The following ABCC8 variants were observed in gnomAD, a reference collection of about 807,000 sequenced individuals.
The protein encoded by ABCC8 is ATP binding cassette subfamily C member 8.
A neutral mutation model predicts 188.0 loss-of-function variants in ABCC8; 137 were observed. The ratio of observed to expected loss-of-function variants is 0.73; its 90% CI spans 0.63 to 0.84. The LOEUF (loss-of-function observed/expected upper bound fraction) is 0.84. Ranked by LOEUF, ABCC8 falls within the 40% of genes least tolerant of loss-of-function variation. ABCC8 has a pLI of 0.00. For synonymous variants in ABCC8, 797 were observed against 846.5 expected (o/e 0.94, Z 1.01); for missense variants, 1,750 against 2,072.7 (o/e 0.84, Z 3.02).
At position 17,428,359 on chromosome 11, in the gene ABCC8, C is replaced by T. The variant is rs755707550; in HGVS notation, c.1970G>A (p.Arg657Gln). ...NRKRPAREDC[R>Q]GLTGPLQSLV... Reference sequence around the variant, plus strand: ...GCTCTGCAGTGGGCCGGTGAGGCCCCGACAATCCTCCCGGGCTGGACGCTT... The same window carrying T: ...GCTCTGCAGTGGGCCGGTGAGGCCCTGACAATCCTCCCGGGCTGGACGCTT... Residue 657 changes from arginine to glutamine, a missense_variant, in exon 14 of 39, where the codon CGG becomes CAG. Transcript: ENST00000389817. 22 of 1,614,134 alleles carry T rather than the reference C, an allele frequency of 1.4e-5. No homozygotes were observed. The highest frequency in any genetic ancestry group is 1.6e-4 in the Middle Eastern group (1 of 6,062).
intron 12 of ABCC8, chr11:17,430,043 A>G (rs1365846499): frequency 6.5e-6 from 1 of 152,692 alleles, no homozygotes; most frequent in Non-Finnish European, 1.5e-5. Context: ...CACAGAGGAC[A>G]TTTGTTACTG....
chr11:17,396,513 C>T, intron 33 of ABCC8: 1 of 306,604 alleles, frequency 3.3e-6, no homozygotes, highest in Non-Finnish European at 6.2e-6. Context: ...GAGAGCTGGG[C>T]CAGGGCCATA....
Position 17,457,848 on chromosome 11 carries a change from G to A in ABCC8, c.1011+2640C>T, listed in dbSNP as rs114415797. Among the ~76,000 whole-genome samples, 543 of 152,294 alleles carry A rather than the reference G, an allele frequency of 3.6e-3. 2 individuals are homozygous for A. The highest frequency in any genetic ancestry group is 0.012 in the African/African-American group (517 of 41,554). ...ATGATGAATAAACCACAGGTGCCTCGCTGTGCCAACTGCTGCAGGATGGAT... is the reference window on the plus strand; with the variant it reads ...ATGATGAATAAACCACAGGTGCCTCACTGTGCCAACTGCTGCAGGATGGAT... On this transcript the variant is annotated intron_variant, in intron 6 of 38. Transcript: ENST00000389817.
Position 17,412,692 on chromosome 11 carries a change from A to C in ABCC8, c.2530T>G (p.Tyr844Asp). The change falls in exon 21 of 39, where the codon TAC becomes GAC. Residue 844 changes from tyrosine (Y) to aspartate (D), a missense_variant. Transcript: ENST00000389817. ...RQRISVARAL[Y>D]QHANVVFLDD... ...AAGAAGACAACGTTGGCGTGCTGGTAGAGGGCTCGGGCCACACTGATTCGC... is the reference window on the plus strand; with the variant it reads ...AAGAAGACAACGTTGGCGTGCTGGTCGAGGGCTCGGGCCACACTGATTCGC... 6.2e-7 allele frequency: 1 copy of C among 1,612,272 alleles called. No homozygotes were observed. Among genetic ancestry groups the C allele is most frequent in the South Asian group, 1.1e-5 (1 of 90,508 alleles).
rs776610373 is a variant in ABCC8, at chr11:17,395,873, G to A, written c.4177C>T (p.Arg1393Cys). ...TCACCTTCGAACGTGTCCACCATGC[G>A]GAAGAAGGCAAGAGAGAAGGAGGAC... Reference protein sequence around the residue: ...GKSSFSLAFFRMVDTFEGHII... With the variant: ...GKSSFSLAFFCMVDTFEGHII... Residue 1393 changes from arginine to cysteine, a missense_variant, in exon 34 of 39, where the codon CGC becomes TGC. Arg to Cys is a radical substitution (Grantham distance 180). Coordinates refer to ENST00000389817, the MANE Select transcript of ABCC8 (RefSeq NM_000352.6). 8 of 1,588,138 alleles carry A rather than the reference G, an allele frequency of 5.0e-6. No homozygotes were observed. The highest frequency in any genetic ancestry group is 6.9e-6 in the Non-Finnish European group (8 of 1,166,420).
In ABCC8 at chr11:17,404,655, C is replaced by A. The variant is rs762412267; in HGVS notation, c.3414G>T (p.Thr1138=). Residue 1138 remains threonine, a synonymous_variant, in exon 28 of 39, where the codon ACG becomes ACT. Coordinates refer to ENST00000389817, the MANE Select transcript of ABCC8 (RefSeq NM_000352.6). This position sits in a 1 kb window ranked among gnomAD's most constrained non-coding sequence, Gnocchi z 4.7. ...GGGTGGAGCGGCTCAGGCACTCCAG[C>A]GTGGATGGGATGTGCTGAGGGAGAC... The part of the protein sequence containing the change: ...CNTIDQHIPS[T]LECLSRSTLL... 1.9e-6 allele frequency: 3 copies of A among 1,610,092 alleles called. No homozygotes were observed. The highest frequency in any genetic ancestry group is 1.3e-5 in the African/African-American group (1 of 74,912).
At chr11:17,405,628 A>G in intron 26 of ABCC8, 65 bp from the exon 27 acceptor site, 1 of 1,613,346 alleles carries the variant, frequency 6.2e-7, no homozygotes. Context: ...TTACTGAATG[A>G]GATAGTTAAT....
chr11:17,432,159 C>T (rs1439984161), intron 11 of ABCC8, 45 bp downstream of exon 11: 2 of 1,551,270 alleles, frequency 1.3e-6, no homozygotes, highest in African/African-American at 1.4e-5. Context: ...CAGACGCCCT[C>T]CCCCTCCACC....
intron 10 of ABCC8, chr11:17,435,640 T>C (rs1288304610): frequency 1.0e-5 from 14 of 1,399,716 alleles, no homozygotes; most frequent in African/African-American, 1.4e-5. Context: ...TGTAATAATG[T>C]GTAGGAAGAT....
intron 2 of ABCC8, 81 bp downstream of exon 2, chr11:17,474,805 G>A: frequency 1.4e-6 from 2 of 1,447,208 alleles, no homozygotes; most frequent in Non-Finnish European, 1.9e-6. Context: ...GTGGAATATA[G>A]GTGAGCTAGG....
chr11:17,408,587 T>C, intron 22 of ABCC8, 70 bp from the exon 23 acceptor site: 1 of 1,566,806 alleles, frequency 6.4e-7, no homozygotes, highest in East Asian at 2.2e-5. Flanking sequence ...CCCTCAATTG[T>C]GGAGTCTAAG....
rs373158919 is a variant in ABCC8 at position 17,430,985 on chromosome 11, C to G, written c.1672-26G>C. On this transcript the variant is annotated intron_variant, in intron 11 of 38. Transcript: ENST00000389817. ...CTGTGGACAGAGGCACAAGTGAGGC[C>G]AGGGTGGCCCAGGGTGTGGGTCCCT... 1.3e-4 allele frequency: 212 copies of G among 1,610,514 alleles called. No homozygotes were observed. The highest frequency in any genetic ancestry group is 1.7e-4 in the Non-Finnish European group (199 of 1,178,330).
intron 29 of ABCC8, among the ~76,000 whole-genome samples, chr11:17,401,273 G>T (rs1470771611): frequency 6.6e-6 from 1 of 152,222 alleles, no homozygotes; most frequent in Non-Finnish European, 1.5e-5. Flanking sequence ...AGGAGGCTGG[G>T]AGGAGACTCT....
chr11:17,407,590 G>C (rs1954605118), intron 23 of ABCC8, 137 bp from the exon 24 acceptor site: 3 of 1,457,488 alleles, frequency 2.1e-6, no homozygotes, highest in African/African-American at 2.8e-5. Flanking sequence ...GGGGCAGACA[G>C]ACACACATTC....
Position 17,395,856 on chromosome 11 carries a change from G to C in ABCC8, c.4194C>G (p.Phe1398Leu). The C allele has an allele frequency of 6.3e-7, 1 of 1,580,256 alleles. No individual in the cohort carries two copies. The change falls in exon 34 of 39, where the codon TTC (phenylalanine) becomes TTG (leucine). Residue 1398 changes from phenylalanine to leucine, a missense_variant. Transcript: ENST00000389817. ...SLAFFRMVDTFEGHIIIDGID... is the reference protein window; with the variant it reads ...SLAFFRMVDTLEGHIIIDGID... Reference sequence around the variant, plus strand: ...GGTGCCCGCCTTACAACTCACCTTCGAACGTGTCCACCATGCGGAAGAAGG... The same window carrying C: ...GGTGCCCGCCTTACAACTCACCTTCCAACGTGTCCACCATGCGGAAGAAGG...
At chr11:17,398,635 C>G in intron 29 of ABCC8, 194 bp from the exon 30 acceptor site, 1 of 564,950 alleles carries the variant, frequency 1.8e-6, no homozygotes, top group Non-Finnish European at 2.2e-6. Context: ...GTCCAGAATC[C>G]CCACCTCCTC....
intron 32 of ABCC8, 56 bp downstream of exon 32, chr11:17,397,137 A>G (rs1953975091): frequency 6.2e-7 from 1 of 1,613,234 alleles, no homozygotes; most frequent in Non-Finnish European, 8.5e-7. Context: ...TGTGGCCCCC[A>G]ACCCAGACAC....
At chr11:17,463,698 G>A (rs1294074131) in intron 3 of ABCC8, 94 bp from the exon 4 acceptor site, 2 of 1,492,348 alleles carry the variant, frequency 1.3e-6, no homozygotes, top group African/African-American at 1.4e-5. Context: ...GAAGGAGACA[G>A]AATAAGCGTG....
In ABCC8 at chr11:17,476,790, C is replaced by CGGGCT; in HGVS notation, c.-19_-15dup. Reference sequence around the variant, plus strand: ...GGCCAGGGGCATGGCGGCGCGGGCGCGGGCTGGGCTCGGGCTCAGCTGGCT... The same window carrying CGGGCT: ...GGCCAGGGGCATGGCGGCGCGGGCGCGGGCTGGGCTGGGCTCGGGCTCAGCTGGCT... On this transcript the variant is annotated 5_prime_UTR_variant, in exon 1 of 39. Transcript: ENST00000389817. The CGGGCT allele has an allele frequency of 6.5e-7, 1 of 1,540,884 alleles. No individual in the cohort carries two copies. The highest frequency in any genetic ancestry group is 8.7e-7 in the Non-Finnish European group (1 of 1,143,592).
Sources: allele counts gnomAD v4.1 joint callset (sites outside exome capture counted in the v4.1 genomes callset), GRCh38; gene constraint gnomAD v4.1.1; non-coding constraint Gnocchi (gnomAD v3.1); transcripts MANE v1.5; gene names NCBI Gene and HGNC (gene_info 2026-07-23, HGNC 2026-07-21).